ERCC3: variants seen among roughly 807,000 people sequenced by gnomAD.
ERCC3 encodes the protein general transcription and DNA repair factor IIH helicase/translocase subunit XPB.
Under a neutral mutation model 94.2 loss-of-function variants are expected in ERCC3, and 66 were observed. The observed-to-expected ratio is 0.70, with a 90% CI of 0.57 to 0.86. ERCC3 has a LOEUF of 0.86. ERCC3 is among the 40% of genes least tolerant of loss of function. ERCC3 has a pLI of 0.00. For missense variants in ERCC3, 829 were observed against 987.1 expected, an observed-to-expected ratio of 0.84 and a Z score of 2.15; for synonymous variants, 349 against 369.1, an observed-to-expected ratio of 0.95 and a Z score of 0.63.
chr2:127,274,582 G>C lies in ERCC3; in HGVS notation c.1731-1621C>G, dbSNP rs868174109. Among the ~76,000 whole-genome samples, 59 of 152,350 alleles carry C rather than the reference G, an allele frequency of 3.9e-4. No homozygotes were observed. The highest frequency in any genetic ancestry group is 1.4e-3 in the African/African-American group (59 of 41,590). On this transcript the variant is annotated intron_variant, in intron 10 of 14. Transcript: ENST00000285398. This position sits in a 1 kb window ranked among gnomAD's most constrained non-coding sequence, Gnocchi z 4.0. Reference sequence around the variant, plus strand: ...TAGGGCCTGGGCAGCTGCACACCCAGGCTGATGGCCTCTGATTAGCCCAGT... The same window carrying C: ...TAGGGCCTGGGCAGCTGCACACCCACGCTGATGGCCTCTGATTAGCCCAGT...
chr2:127,258,501 C>A lies in ERCC3; in HGVS notation c.2218-774G>T, dbSNP rs1466132276. 6.6e-6 allele frequency among the ~76,000 whole-genome samples: 1 copy of A among 152,154 alleles called. No individual in the cohort carries two copies. The highest frequency in any genetic ancestry group is 1.5e-5 in the Non-Finnish European group (1 of 68,014). ...TTAAAACCAGTGAGAGCAATGAGAG[C>A]ACTCTCCTGGGTTCCCATGGAGAGT... On this transcript the variant is annotated intron_variant, in intron 14 of 14. Coordinates refer to ENST00000285398, the MANE Select transcript of ERCC3 (RefSeq NM_000122.2). The surrounding 1 kb of genome is among the most constrained non-coding windows in gnomAD (Gnocchi z 4.1).
In ERCC3 at chr2:127,280,166, T is replaced by G. The variant is rs1456993611; in HGVS notation, c.1527+281A>C. Among the ~76,000 whole-genome samples the G allele has an allele frequency of 1.3e-5, 2 of 152,220 alleles. No individual in the cohort carries two copies. The highest frequency in any genetic ancestry group is 2.4e-5 in the African/African-American group (1 of 41,456). ...CCTTCATTCATCCCTGTGCCCTGAA[T>G]GCTAATCCTCACCCACAGAAATCCA... On this transcript the variant is annotated intron_variant, in intron 9 of 14. Transcript: ENST00000285398. This position sits in a 1 kb window ranked among gnomAD's most constrained non-coding sequence, Gnocchi z 6.3.
At chr2:127,265,007 C>T (rs1684312486) in intron 12 of ERCC3, among the ~76,000 whole-genome samples, 1 of 152,034 alleles carries the variant, frequency 6.6e-6, no homozygotes, top group South Asian at 2.1e-4. Flanking sequence ...GCCACCAAGC[C>T]CACCTAGTTT....
chr2:127,292,644 G>A lies in ERCC3; in HGVS notation c.437C>T (p.Thr146Ile), dbSNP rs149781954. Residue 146 changes from threonine (T) to isoleucine (I), a missense_variant, in exon 3 of 15, where the codon ACT becomes ATT. Transcript: ENST00000285398. Reference protein sequence around the residue: ...ITEYLRKLSKTGVPDGIMQFI... With the variant: ...ITEYLRKLSKIGVPDGIMQFI... ...CTGCATAATTCCATCAGGGACTCCA[G>A]TCTTGCTGAGCTTCCTGAGGTACTC... is the stretch of plus-strand genomic sequence containing the variant. The A allele has an allele frequency of 7.4e-6, 12 of 1,613,846 alleles. No individual in the cohort carries two copies. The African/African-American group carries it at 1.6e-4, about 22-fold the overall frequency.
chr2:127,270,256 C>T (rs1455664184), intron 12 of ERCC3, among the ~76,000 whole-genome samples: 1 of 152,018 alleles, frequency 6.6e-6, no homozygotes, highest in Non-Finnish European at 1.5e-5. Flanking sequence ...AACTCCTGGG[C>T]TCAAGCTATC....
chr2:127,273,622 G>A (rs4150482), intron 10 of ERCC3, among the ~76,000 whole-genome samples: 1,870 of 151,846 alleles, frequency 0.012, 39 homozygotes, highest in African/African-American at 0.043. Flanking sequence ...GGTGGCGCAT[G>A]TGTGTAATCC....
chr2:127,271,911 C>G lies in ERCC3; in HGVS notation c.1828-458G>C, dbSNP rs1018563103. On this transcript the variant is annotated intron_variant, in intron 11 of 14. Transcript: ENST00000285398. The surrounding 1 kb of genome is among the most constrained non-coding windows in gnomAD (Gnocchi z 5.0). ...TGGAATTCTGACTGTAGGTGGATTC[C>G]TCAGCTCTGGGGCTCCAAACATCGA... Among the ~76,000 whole-genome samples the G allele has an allele frequency of 6.6e-6, 1 of 152,000 alleles. No individual in the cohort carries two copies. The highest frequency in any genetic ancestry group is 1.5e-5 in the Non-Finnish European group (1 of 68,012).
At chr2:127,283,677 C>G (rs1178478204) in intron 8 of ERCC3, among the ~76,000 whole-genome samples, 1 of 152,194 alleles carries the variant, frequency 6.6e-6, no homozygotes, top group Non-Finnish European at 1.5e-5. Flanking sequence ...CAATCCATCC[C>G]TCCAGGAATG....
intron 12 of ERCC3, among the ~76,000 whole-genome samples, chr2:127,269,309 G>A (rs1351522374): frequency 6.6e-6 from 1 of 151,948 alleles, no homozygotes; most frequent in Admixed American, 6.6e-5. Flanking sequence ...TAAGCATACT[G>A]CCCTTGAATG....
At position 127,259,358 on chromosome 2, in the gene ERCC3, C is replaced by A; in HGVS notation, c.2155G>T (p.Ala719Ser). ...TCCTCCTCGGCATCCAGGTCAGTGG[C>A]TGCCAGGACTTTCTGTAAGAGCTGC... ...QQQLLQKVLA[A>S]TDLDAEEEVV... is the part of the protein sequence containing the mutation. The change falls in exon 14 of 15, where the codon GCC becomes TCC. Residue 719 changes from alanine (A) to serine (S), a missense_variant. Physicochemically the swap from Ala to Ser is moderately conservative, Grantham distance 99 (BLOSUM62 1). Transcript: ENST00000285398. This position sits in a 1 kb window ranked among gnomAD's most constrained non-coding sequence, Gnocchi z 4.9. 6.2e-7 allele frequency: 1 copy of A among 1,614,186 alleles called. No individual in the cohort carries two copies. The highest frequency in any genetic ancestry group is 8.5e-7 in the Non-Finnish European group (1 of 1,180,036).
At chr2:127,276,911 C>T (rs1684750979) in intron 10 of ERCC3, among the ~76,000 whole-genome samples, 1 of 152,198 alleles carries the variant, frequency 6.6e-6, no homozygotes, top group Non-Finnish European at 1.5e-5. Context: ...CAAACTGCTG[C>T]ACTGGAAGCT....
rs114710997 is a variant in ERCC3 at position 127,259,401 on chromosome 2, C to A, written c.2112G>T (p.Ser704=). The change falls in exon 14 of 15, where the codon TCG becomes TCT. Residue 704 remains serine, a synonymous_variant. Transcript: ENST00000285398. The surrounding 1 kb of genome is among the most constrained non-coding windows in gnomAD (Gnocchi z 4.9). The part of the protein sequence containing the change: ...AGMEEEDLAF[S]TKEEQQQLLQ... ...AGAGCTGCTGTTGCTCTTCTTTTGT[C>A]GAAAACGCCAAGTCTTCCTCCTCCA... is the stretch of plus-strand genomic sequence containing the variant. 124 of 1,614,164 alleles carry A rather than the reference C, an allele frequency of 7.7e-5. No homozygotes were observed. The highest frequency in any genetic ancestry group is 1.0e-4 in the Non-Finnish European group (118 of 1,180,030).
In ERCC3 at chr2:127,291,017, G is replaced by A. The variant is rs111820022; in HGVS notation, c.472-744C>T. On this transcript the variant is annotated intron_variant, in intron 3 of 14. Coordinates refer to ENST00000285398, the MANE Select transcript of ERCC3 (RefSeq NM_000122.2). The surrounding 1 kb of genome is among the most constrained non-coding windows in gnomAD (Gnocchi z 4.9). ...GAACTGCTTGAGCCTGGGAGGTAGA[G>A]GTTGCAGTGAGCCAAGATCATGCCA... is the stretch of plus-strand genomic sequence containing the variant. The A allele has an allele frequency of 0.089, 13,565 of 152,432 alleles. 805 individuals carry two copies. The highest frequency in any genetic ancestry group is 0.18 in the African/African-American group (7,258 of 41,446). The allele number at this position is 152,432 out of a possible 1,614,324, so 9.4% of individuals were successfully genotyped here.
At position 127,290,207 on chromosome 2, in the gene ERCC3, G is replaced by C; in HGVS notation, c.521+17C>G. 6.2e-7 allele frequency: 1 copy of C among 1,610,592 alleles called. No individual in the cohort carries two copies. The highest frequency in any genetic ancestry group is 8.5e-7 in the Non-Finnish European group (1 of 1,176,712). ...AGTGACAGTGCCTTGGGACAGGCCTGTCATGGAATCTCTTACCTGTTGTGC... is the reference window on the plus strand; with the variant it reads ...AGTGACAGTGCCTTGGGACAGGCCTCTCATGGAATCTCTTACCTGTTGTGC... On this transcript the variant is annotated intron_variant, in intron 4 of 14. Coordinates refer to ENST00000285398, the MANE Select transcript of ERCC3 (RefSeq NM_000122.2).
In ERCC3 at chr2:127,288,722, T is replaced by C. The variant is rs911067838; in HGVS notation, c.965A>G (p.Lys322Arg). 6.2e-7 allele frequency: 1 copy of C among 1,614,142 alleles called. No homozygotes were observed. The highest frequency in any genetic ancestry group is 1.6e-4 in the Middle Eastern group (1 of 6,062). Residue 322 changes from lysine to arginine, a missense_variant, in exon 7 of 15, where the codon AAG becomes AGG. Lys to Arg is a conservative substitution (Grantham distance 26). Transcript: ENST00000285398. Reference protein sequence around the residue: ...PTAVLRPYQEKSLRKMFGNGR... With the variant: ...PTAVLRPYQERSLRKMFGNGR... ...GTTTCCAAACATCTTTCGCAAGCTC[T>C]TCTCCTGATAGGGTCTGAGGACAGC...
chr2:127,292,457 A>G (rs1685303430), intron 3 of ERCC3, 153 bp downstream of exon 3: 1 of 756,150 alleles, frequency 1.3e-6, no homozygotes. Flanking sequence ...CTGGATCCAG[A>G]GTGTAGCGGC....
rs746412466 is a variant in ERCC3 at position 127,293,714 on chromosome 2, C to G, written c.33G>C (p.Lys11Asn). 6.2e-7 allele frequency: 1 copy of G among 1,611,796 alleles called. No homozygotes were observed. Among genetic ancestry groups the G allele is most frequent in the African/African-American group, 1.3e-5 (1 of 74,946 alleles). Residue 11 changes from lysine (K) to asparagine (N), a missense_variant, in exon 2 of 15, where the codon AAG becomes AAC. Coordinates refer to ENST00000285398, the MANE Select transcript of ERCC3 (RefSeq NM_000122.2). ...CATAGTGCCGCTTCCTGGATTTCTTCTTGTCTGCAAGATACCAACACAGAA... is the reference window on the plus strand; with the variant it reads ...CATAGTGCCGCTTCCTGGATTTCTTGTTGTCTGCAAGATACCAACACAGAA... MGKRDRADRD[K>N]KKSRKRHYED...
intron 8 of ERCC3, among the ~76,000 whole-genome samples, chr2:127,281,362 A>G (rs1684905990): frequency 6.6e-6 from 1 of 152,282 alleles, no homozygotes; most frequent in African/African-American, 2.4e-5. Context: ...AACTTTACCA[A>G]TTCAATCACT....
In ERCC3 at chr2:127,261,314, AG is replaced by A. The variant is rs1684183148; in HGVS notation, c.1977del (p.Tyr660ThrfsTer22). The A allele has an allele frequency of 6.2e-7, 1 of 1,612,360 alleles. No homozygotes were observed. Among genetic ancestry groups the A allele is most frequent in the Non-Finnish European group, 8.5e-7 (1 of 1,178,428 alleles). On this transcript the variant is annotated frameshift_variant, in exon 13 of 15. Coordinates refer to ENST00000285398, the MANE Select transcript of ERCC3 (RefSeq NM_000122.2). LOFTEE classifies it high-confidence loss of function. ...GMVAEEYNAF[F>X]YSLVSQDTQE... ...TGTGTGTCCTGGGATACCAGTGAGT[AG>A]AAAAAGGCATTGTACTCTTCTGCAA...
Sources: allele counts gnomAD v4.1 joint callset (sites outside exome capture counted in the v4.1 genomes callset), GRCh38; gene constraint gnomAD v4.1.1; non-coding constraint Gnocchi (gnomAD v3.1); transcripts MANE v1.5; gene names NCBI Gene and HGNC (gene_info 2026-07-23, HGNC 2026-07-21).